TEX35: variants seen among roughly 807,000 people sequenced by gnomAD.
The protein encoded by TEX35 is testis expressed 35, also known as testis-expressed protein 35.
In TEX35, 26 loss-of-function variants were observed where a neutral mutation model predicts 31.9. The observed-to-expected ratio is 0.81, with a 90% CI of 0.60 to 1.13. The LOEUF is 1.13. Among genes scored for constraint, TEX35 ranks in the 50% most tolerant of loss-of-function variants. The pLI is 0.00. For synonymous variants in TEX35, 87 were observed against 90.7 expected, an observed-to-expected ratio of 0.96 and a Z score of 0.23; for missense variants, 278 against 273.5, an observed-to-expected ratio of 1.02 and a Z score of -0.12.
At chr1:178,514,621 A>AG in intron 2 of TEX35, 79 bp from the exon 3 acceptor site, 6 of 1,403,800 alleles carry the variant, frequency 4.3e-6, no homozygotes, top group Non-Finnish European at 6.0e-6. Context: ...ACAGAAACAC[A>AG]GGGGGATCTC....
At chr1:178,513,646 C>G (rs1413374423) in intron 1 of TEX35, among the ~76,000 whole-genome samples, 2 of 152,266 alleles carry the variant, frequency 1.3e-5, no homozygotes, top group Non-Finnish European at 2.9e-5. Context: ...CCCAAAATAA[C>G]AGAGATAGTA....
intron 7 of TEX35, 151 bp downstream of exon 7, chr1:178,521,025 G>A: frequency 6.5e-7 from 1 of 1,539,272 alleles, no homozygotes; most frequent in African/African-American, 1.4e-5. Flanking sequence ...CGCCCTCCCT[G>A]ACCTGCCTTG....
At chr1:178,518,906 G>T (rs1444584255) in intron 5 of TEX35, among the ~76,000 whole-genome samples, 4 of 152,024 alleles carry the variant, frequency 2.6e-5, no homozygotes, top group African/African-American at 9.7e-5. Context: ...GTCAGCACGG[G>T]GATCAGTCAT....
At chr1:178,521,181 G>C in intron 7 of TEX35, 41 bp from the exon 8 acceptor site, 1 of 1,613,910 alleles carries the variant, frequency 6.2e-7, no homozygotes, top group Non-Finnish European at 8.5e-7. Context: ...TCTTGGACCA[G>C]GGGAAATTGA....
chr1:178,520,155 C>T (rs1434639336), intron 5 of TEX35, among the ~76,000 whole-genome samples: 2 of 152,102 alleles, frequency 1.3e-5, no homozygotes, highest in African/African-American at 4.8e-5. Flanking sequence ...TCAGAAAAGT[C>T]CCCTAATGTC....
At chr1:178,522,239 T>C (rs1377410290) in intron 8 of TEX35, 86 bp from the exon 9 acceptor site, 1 of 1,474,054 alleles carries the variant, frequency 6.8e-7, no homozygotes, top group East Asian at 2.5e-5. Context: ...CTGCTGCTCA[T>C]AGGAACTGGG....
In TEX35 at chr1:178,514,035, C is replaced by T; in HGVS notation, c.48C>T (p.Asn16=). The T allele has an allele frequency of 6.2e-7, 1 of 1,614,122 alleles. No individual in the cohort carries two copies. The highest frequency in any genetic ancestry group is 2.2e-5 in the East Asian group (1 of 44,878). The change falls in exon 2 of 9, where the codon AAC becomes AAT. Residue 16 remains asparagine (N), a synonymous_variant. Transcript: ENST00000319416. ...GTCTCCTCTTTTTGCAGAGCAAGAA[C>T]TACAAGGCAGTTTGCCTGGAATTGA... ...AELKKTHLSK[N]YKAVCLELKP... is the part of the protein sequence containing the mutation.
chr1:178,523,271 C>T (rs1176835609), downstream of TEX35: 1 of 700,654 alleles, frequency 1.4e-6, no homozygotes, highest in Non-Finnish European at 2.6e-6. Context: ...GTGCAGATAT[C>T]TCTTCAATAT....
Position 178,514,735 on chromosome 1 carries a change from G to A in TEX35, c.126G>A (p.Arg42=). The A allele has an allele frequency of 6.2e-7, 1 of 1,613,998 alleles. No homozygotes were observed. The highest frequency in any genetic ancestry group is 8.5e-7 in the Non-Finnish European group (1 of 1,179,948). ...FDYKAVKQEG[R]FTKAGVTQDL... ...ACAAAGCAGTTAAACAAGAAGGGCGGTTTACCAAAGCAGGAGTGACACAGG... is the reference window on the plus strand; with the variant it reads ...ACAAAGCAGTTAAACAAGAAGGGCGATTTACCAAAGCAGGAGTGACACAGG... Residue 42 remains arginine (R), a synonymous_variant, in exon 3 of 9, where the codon CGG becomes CGA. Transcript: ENST00000319416.
downstream of TEX35, among the ~76,000 whole-genome samples, chr1:178,522,811 G>A (rs1650332921): frequency 6.6e-6 from 1 of 152,158 alleles, no homozygotes; most frequent in Non-Finnish European, 1.5e-5. Flanking sequence ...TCTTTGAGTT[G>A]CAAACAATCC....
Position 178,515,869 on chromosome 1 carries a change from G to T in TEX35, c.170G>T (p.Arg57Met), listed in dbSNP as rs749751931. 1.4e-5 allele frequency: 22 copies of T among 1,611,884 alleles called. No individual in the cohort carries two copies. The highest frequency in any genetic ancestry group is 7.7e-5 in the South Asian group (7 of 90,666). ...GVTQDLKNEL[R>M]EVREELKEKM... ...ATTTTATTTCCTCAGAATGAACTCA[G>T]GGAAGTGAGAGAAGAGCTCAAGGAG... The change falls in exon 4 of 9, where the codon AGG becomes ATG. Residue 57 changes from arginine (R) to methionine (M), a missense_variant. By Grantham distance (91) the Arg-to-Met change is moderately conservative. Transcript: ENST00000319416.
intron 7 of TEX35, 61 bp from the exon 8 acceptor site, chr1:178,521,161 A>T: frequency 1.9e-6 from 3 of 1,611,310 alleles, no homozygotes; most frequent in Non-Finnish European, 2.5e-6. Context: ...GGTGCCTAGC[A>T]GGCTGCCCTT....
chr1:178,519,975 C>G (rs957504428), intron 5 of TEX35, among the ~76,000 whole-genome samples: 1 of 152,216 alleles, frequency 6.6e-6, no homozygotes, highest in African/African-American at 2.4e-5. Context: ...TATGCAGGAT[C>G]TGGGTGCATG....
chr1:178,521,625 A>G (rs1650281409), intron 8 of TEX35: 2 of 1,552,306 alleles, frequency 1.3e-6, no homozygotes, highest in Non-Finnish European at 1.7e-6. Flanking sequence ...CTTCTGATTT[A>G]TCTGTACCTC....
Position 178,522,317 on chromosome 1 carries a change from C to T in TEX35, c.587-8C>T, listed in dbSNP as rs751890387. 6.3e-7 allele frequency: 1 copy of T among 1,582,776 alleles called. No individual in the cohort carries two copies. Among genetic ancestry groups the T allele is most frequent in the African/African-American group, 1.3e-5 (1 of 74,528 alleles). ...GAAGGTTTCCTCTCCCTCCCTCCAC[C>T]CCCAAAGGGAACATTCCTTCAGAGG... On this transcript the variant is annotated splice_polypyrimidine_tract_variant and splice_region_variant and intron_variant, in intron 8 of 8. Coordinates refer to ENST00000319416, the MANE Select transcript of TEX35 (RefSeq NM_032126.5).
chr1:178,515,875 T>G lies in TEX35; in HGVS notation c.176T>G (p.Val59Gly). The G allele has an allele frequency of 6.2e-7, 1 of 1,612,324 alleles. No homozygotes were observed. The highest frequency in any genetic ancestry group is 8.5e-7 in the Non-Finnish European group (1 of 1,178,920). ...TTTCCTCAGAATGAACTCAGGGAAG[T>G]GAGAGAAGAGCTCAAGGAGAAAATG... is the stretch of plus-strand genomic sequence containing the variant. Reference protein sequence around the residue: ...TQDLKNELREVREELKEKMEE... With the variant: ...TQDLKNELREGREELKEKMEE... The change falls in exon 4 of 9, where the codon GTG becomes GGG. Residue 59 changes from valine to glycine, a missense_variant. Coordinates refer to ENST00000319416, the MANE Select transcript of TEX35 (RefSeq NM_032126.5).
At chr1:178,514,248 A>T in intron 2 of TEX35, 171 bp downstream of exon 2, 4 of 1,524,754 alleles carry the variant, frequency 2.6e-6, no homozygotes, top group Non-Finnish European at 3.5e-6. Flanking sequence ...CCAATCAGAT[A>T]CATAAACGAA....
chr1:178,522,435 A>G lies in TEX35; in HGVS notation c.697A>G (p.Arg233Gly), dbSNP rs142443319. The G allele has an allele frequency of 2.1e-4, 334 of 1,595,256 alleles. No homozygotes were observed. Among genetic ancestry groups the G allele is most frequent in the Non-Finnish European group, 2.6e-4 (303 of 1,169,554 alleles). ...TGCCCCAAAGTCCCAGACTGAGGGA[A>G]GGTGAAGCTTAACTGCCAGCTTGAA... ...VPAPKSQTEG[R>G] The change falls in exon 9 of 9, where the codon AGG becomes GGG. Residue 233 changes from arginine (R) to glycine (G), a missense_variant. Coordinates refer to ENST00000319416, the MANE Select transcript of TEX35 (RefSeq NM_032126.5).
At chr1:178,515,479 C>T (rs953731026) in intron 3 of TEX35, among the ~76,000 whole-genome samples, 68 of 152,126 alleles carry the variant, frequency 4.5e-4, no homozygotes, top group African/African-American at 1.6e-3. Flanking sequence ...TGTTGGATTC[C>T]TCATGATGAG....
Sources: allele counts gnomAD v4.1 joint callset (sites outside exome capture counted in the v4.1 genomes callset), GRCh38; gene constraint gnomAD v4.1.1; transcripts MANE v1.5; gene names NCBI Gene and HGNC (gene_info 2026-07-23, HGNC 2026-07-21).